RAP1GAP2: variants seen among roughly 807,000 people sequenced by gnomAD.
The protein encoded by RAP1GAP2 is RAP1 GTPase activating protein 2, also known as rap1 GTPase-activating protein 2.
In RAP1GAP2, 27 loss-of-function variants were observed where a neutral mutation model predicts 95.0. The ratio of observed to expected loss-of-function variants is 0.28; its 90% confidence interval spans 0.21 to 0.39. The LOEUF is 0.39. Among genes scored for constraint, RAP1GAP2 ranks in the 10% least tolerant of loss-of-function variants. RAP1GAP2 has a pLI of 1.00. For synonymous variants in RAP1GAP2, 373 were observed against 380.9 expected (o/e 0.98, Z 0.24); for missense variants, 771 against 970.0 (o/e 0.79, Z 2.72).
chr17:2,794,395 G>T (rs536632848), upstream of RAP1GAP2, among the ~76,000 whole-genome samples: 2 of 152,306 alleles, frequency 1.3e-5, no homozygotes, highest in South Asian at 2.1e-4. Context: ...GTTGTCCACG[G>T]TACCTGTTGA....
In RAP1GAP2 at chr17:2,976,279, A is replaced by AT. The variant is rs951701122; in HGVS notation, c.597-4002dup. Among the ~76,000 whole-genome samples the AT allele has an allele frequency of 8.5e-5, 13 of 152,284 alleles. No individual in the cohort carries two copies. In the South Asian group the frequency reaches 1.2e-3, roughly 15 times the overall value. ...TGCTCTTAGCAAAAGAAAAAAATACATTTTTTCAAGCTCACATGGAGTGGC... is the reference window on the plus strand; with the variant it reads ...TGCTCTTAGCAAAAGAAAAAAATACATTTTTTTCAAGCTCACATGGAGTGGC... On this transcript the variant is annotated intron_variant, in intron 8 of 24. Coordinates refer to ENST00000254695, the MANE Select transcript of RAP1GAP2 (RefSeq NM_015085.5).
intron 1 of RAP1GAP2, among the ~76,000 whole-genome samples, chr17:2,798,366 C>G (rs746706484): frequency 2.6e-5 from 4 of 152,098 alleles, no homozygotes; most frequent in Non-Finnish European, 5.9e-5. Context: ...GTGGACTCAT[C>G]GAGGTCTTTT....
intron 8 of RAP1GAP2, among the ~76,000 whole-genome samples, chr17:2,975,797 A>G (rs2045090220): frequency 6.6e-6 from 1 of 152,216 alleles, no homozygotes; most frequent in African/African-American, 2.4e-5. Flanking sequence ...TGATTCTGGT[A>G]TTTAGTTAGA....
chr17:2,939,231 A>G (rs1416199735), intron 3 of RAP1GAP2, among the ~76,000 whole-genome samples: 1 of 152,088 alleles, frequency 6.6e-6, no homozygotes, highest in Non-Finnish European at 1.5e-5. Context: ...CTGGGACTAC[A>G]GGCATGCGCC....
chr17:3,037,118 C>T lies in RAP1GAP2; in HGVS notation c.*3757C>T, dbSNP rs1287398250. The T allele has an allele frequency of 6.6e-6, 1 of 152,546 alleles. No individual in the cohort carries two copies. The highest frequency in any genetic ancestry group is 1.5e-5 in the Non-Finnish European group (1 of 68,068). 9.4% of individuals were successfully genotyped at this position (152,546 alleles called of 1,614,324 possible). On this transcript the variant is annotated 3_prime_UTR_variant, in exon 25 of 25. Transcript: ENST00000254695. ...TCTTTTACCAAACTCTGTTTTACCG[C>T]CAGCCCCTTGTACACCCCAATCCCA...
At chr17:2,982,287 C>A (rs775556477) in intron 10 of RAP1GAP2, among the ~76,000 whole-genome samples, 1 of 152,144 alleles carries the variant, frequency 6.6e-6, no homozygotes, top group Non-Finnish European at 1.5e-5. Context: ...TACAGGTGTG[C>A]GCCACCATGC....
At chr17:2,858,006 A>G (rs1219089531) in intron 2 of RAP1GAP2, among the ~76,000 whole-genome samples, 2 of 152,200 alleles carry the variant, frequency 1.3e-5, no homozygotes, top group Non-Finnish European at 2.9e-5. Context: ...AGGCTGAGGC[A>G]GGACAACTGC....
In RAP1GAP2 at chr17:2,902,191, T is replaced by A. The variant is rs1287686221; in HGVS notation, c.81-3093T>A. Among the ~76,000 whole-genome samples the A allele has an allele frequency of 6.6e-6, 1 of 152,042 alleles. No individual in the cohort carries two copies. The highest frequency in any genetic ancestry group is 1.5e-5 in the Non-Finnish European group (1 of 67,996). On this transcript the variant is annotated intron_variant, in intron 2 of 24. Coordinates refer to ENST00000254695, the MANE Select transcript of RAP1GAP2 (RefSeq NM_015085.5). The surrounding 1 kb of genome is among the most constrained non-coding windows in gnomAD (Gnocchi z 4.1). ...CTGAGAACACGGGGCATTCTCACTG[T>A]GTGTTTCTTCACATTGTTGCCTTCC...
chr17:2,887,763 C>T (rs1597515770), intron 2 of RAP1GAP2, among the ~76,000 whole-genome samples: 2 of 151,878 alleles, frequency 1.3e-5, no homozygotes, highest in South Asian at 2.1e-4. Context: ...CAACCTATGC[C>T]TCCCGGGTTC....
chr17:2,806,376 T>TTTATTA (rs4060867), intron 2 of RAP1GAP2, among the ~76,000 whole-genome samples: 14,079 of 139,800 alleles, frequency 0.1, 743 homozygotes, highest in South Asian at 0.14. Context: ...CTACAACCTT[T>TTTATTA]TTATTATTAT....
chr17:2,893,430 G>C (rs1206017088), intron 2 of RAP1GAP2, among the ~76,000 whole-genome samples: 3 of 152,162 alleles, frequency 2.0e-5, no homozygotes, highest in Non-Finnish European at 4.4e-5. Flanking sequence ...AGTCTCAACA[G>C]GCTTCAGAAT....
intron 2 of RAP1GAP2, among the ~76,000 whole-genome samples, chr17:2,898,293 G>T (rs1345450206): frequency 6.6e-6 from 1 of 152,152 alleles, no homozygotes. Flanking sequence ...TGCTGGGATG[G>T]GCTGTGACCC....
At chr17:2,934,371 A>G (rs557133872) in intron 3 of RAP1GAP2, among the ~76,000 whole-genome samples, 1 of 152,172 alleles carries the variant, frequency 6.6e-6, no homozygotes, top group Non-Finnish European at 1.5e-5. Flanking sequence ...ACCTCAGGTG[A>G]TCTGCCTACC....
chr17:2,820,903 T>TGTTTTGTTTTTTG (rs1374388350), intron 2 of RAP1GAP2, among the ~76,000 whole-genome samples: 1 of 145,868 alleles, frequency 6.9e-6, no homozygotes, highest in African/African-American at 2.6e-5. Flanking sequence ...TTTTTTTTTT[T>TGTTTTGTTTTTTG]TTTTTTGTAT....
intron 2 of RAP1GAP2, among the ~76,000 whole-genome samples, chr17:2,865,291 GC>G (rs1210922436): frequency 1.3e-5 from 2 of 152,246 alleles, no homozygotes; most frequent in African/African-American, 4.8e-5. Context: ...AAGAACTCTG[GC>G]ACCCTAGAAC....
chr17:2,760,472 C>T lies in RAP1GAP2; in HGVS notation c.50+4705C>T, dbSNP rs376372095. Among the ~76,000 whole-genome samples, 10 of 151,098 alleles carry T rather than the reference C, an allele frequency of 6.6e-5. No homozygotes were observed. The East Asian group carries it at 1.6e-3, about 24-fold the overall frequency. On this transcript the variant is annotated intron_variant, in intron 1 of 25. Coordinates refer to the RAP1GAP2 transcript ENST00000637138. ...TCTCCTGCCTCAGCCTCCTGAGTAGCTGAGATTACAGGTGTGTGCCACCAC... is the reference window on the plus strand; with the variant it reads ...TCTCCTGCCTCAGCCTCCTGAGTAGTTGAGATTACAGGTGTGTGCCACCAC...
In RAP1GAP2 at chr17:2,866,311, G is replaced by C. The variant is rs1486087471; in HGVS notation, c.81-38973G>C. On this transcript the variant is annotated intron_variant, in intron 2 of 24. Transcript: ENST00000254695. The surrounding 1 kb of genome is among the most constrained non-coding windows in gnomAD (Gnocchi z 4.0). ...ACGTGGGAGATGAGGCTGTTAGGGCGGCCTGGGGCCATTTCGTGTTAGGTG... is the reference window on the plus strand; with the variant it reads ...ACGTGGGAGATGAGGCTGTTAGGGCCGCCTGGGGCCATTTCGTGTTAGGTG... Among the ~76,000 whole-genome samples, 2 of 152,228 alleles carry C rather than the reference G, an allele frequency of 1.3e-5. No individual in the cohort carries two copies. The highest frequency in any genetic ancestry group is 3.9e-4 in the East Asian group (2 of 5,186).
chr17:2,828,108 A>G (rs1213807392), intron 2 of RAP1GAP2, among the ~76,000 whole-genome samples: 1 of 152,238 alleles, frequency 6.6e-6, no homozygotes, highest in Non-Finnish European at 1.5e-5. Flanking sequence ...TGGGAGGCCA[A>G]GGCTGGCGGA....
At chr17:2,848,404 T>C (rs1033181191) in intron 2 of RAP1GAP2, among the ~76,000 whole-genome samples, 16 of 152,108 alleles carry the variant, frequency 1.1e-4, no homozygotes, top group Non-Finnish European at 4.4e-5. Context: ...GATGGACCTC[T>C]TGGGGGCTGG....
Sources: gnomAD v4.1 joint callset for allele counts (sites outside exome capture counted in the v4.1 genomes callset) on GRCh38, gnomAD v4.1.1 for gene constraint, Gnocchi (gnomAD v3.1) non-coding constraint, MANE v1.5 for transcripts, NCBI Gene and HGNC (gene_info 2026-07-23, HGNC 2026-07-21) for gene names.